HELB: variants seen among roughly 807,000 people sequenced by gnomAD.
HELB encodes the protein DNA 5'-3' helicase B.
A neutral mutation model predicts 101.7 loss-of-function variants in HELB; 96 were observed. The ratio of observed to expected loss-of-function variants is 0.94; its 90% CI spans 0.80 to 1.12. HELB has a LOEUF of 1.12. Ranked by LOEUF, HELB falls within the 50% of genes most tolerant of loss-of-function variation. The probability of loss-of-function intolerance (pLI) is 0.00; values close to 1 mark genes in which losing one functional copy is unlikely to be tolerated. For missense variants in HELB, 1,210 were observed against 1,291.9 expected (o/e 0.94, Z 0.97); for synonymous variants, 437 against 459.7 (o/e 0.95, Z 0.63).
intron 9 of HELB, 103 bp from the exon 10 acceptor site, chr12:66,323,880 A>G (rs2053702718): frequency 1.3e-6 from 1 of 748,982 alleles, no homozygotes; most frequent in Admixed American, 2.3e-5. Flanking sequence ...AAATGTGGAA[A>G]TTATTCTGAA....
At chr12:66,321,550 T>C (rs776420602) in intron 7 of HELB, 1 of 202,624 alleles carries the variant, frequency 4.9e-6, no homozygotes, top group African/African-American at 2.4e-5. Flanking sequence ...TATTGTCAAG[T>C]TCTAACTGAT....
At chr12:66,315,474 T>C in intron 6 of HELB, 91 bp downstream of exon 6, 1 of 900,646 alleles carries the variant, frequency 1.1e-6, no homozygotes, top group Non-Finnish European at 1.5e-6. Context: ...GTACAATACA[T>C]TAACTACACC....
At chr12:66,306,645 G>C (rs1183495654) in intron 3 of HELB, 131 bp downstream of exon 3, 1 of 480,726 alleles carries the variant, frequency 2.1e-6, no homozygotes, top group Non-Finnish European at 3.6e-6. Context: ...TTATTCAAAT[G>C]TTGCAACTGT....
rs141338855 is a variant in HELB, at chr12:66,331,320, G to T, written c.2837G>T (p.Arg946Leu). The T allele has an allele frequency of 1.2e-6, 2 of 1,614,070 alleles. No homozygotes were observed. Among genetic ancestry groups the T allele is most frequent in the Admixed American group, 1.7e-5 (1 of 60,004 alleles). Residue 946 changes from arginine (R) to leucine (L), a missense_variant, in exon 12 of 13, where the codon CGT becomes CTT. Around this residue, in one of 2 missense-constraint regions of HELB, gnomAD observed 740 missense variants for 728.8 expected, o/e 1.02. Transcript: ENST00000247815. The stretch of plus-strand genomic sequence containing the variant: ...AAAAACAGTTTTCCTAGAAAAACTC[G>T]TTTGAAACATTTCTTGCAAAGTAAG... ...IMKNSFPRKT[R>L]LKHFLQSKLS... is the part of the protein sequence containing the mutation.
Position 66,325,081 on chromosome 12 carries a change from T to C in HELB, c.2625T>C (p.Tyr875=). Residue 875 remains tyrosine (Y), a synonymous_variant, in exon 11 of 13, where the codon TAT becomes TAC. Coordinates refer to ENST00000247815, the MANE Select transcript of HELB (RefSeq NM_001370285.1). The part of the protein sequence containing the change: ...VTVDFKKLMK[Y]CRIKHAWART... ...TGGATTTTAAGAAACTAATGAAATA[T>C]TGTCGCATAAAACATGCATGGGCAA... 6.2e-7 allele frequency: 1 copy of C among 1,613,718 alleles called. No individual in the cohort carries two copies. The highest frequency in any genetic ancestry group is 8.5e-7 in the Non-Finnish European group (1 of 1,179,696).
At position 66,338,128 on chromosome 12, in the gene HELB, C is replaced by T. The variant is rs772422682; in HGVS notation, c.*26C>T. 7 of 1,257,898 alleles carry T rather than the reference C, an allele frequency of 5.6e-6. No individual in the cohort carries two copies. In the Middle Eastern group the frequency reaches 1.1e-3, roughly 198 times the overall value. The allele number at this position is 1,257,898 out of a possible 1,614,324, so 77.9% of individuals were successfully genotyped here. On this transcript the variant is annotated 3_prime_UTR_variant, in exon 13 of 13. Transcript: ENST00000247815. The stretch of plus-strand genomic sequence containing the variant: ...TTTTATTTCAAATTGTTCCGAGTAA[C>T]TATGTTTTTCTATTGGAGACAAAAT...
At chr12:66,337,048 A>C (rs1398350172) in intron 12 of HELB, among the ~76,000 whole-genome samples, 1 of 152,128 alleles carries the variant, frequency 6.6e-6, no homozygotes, top group Non-Finnish European at 1.5e-5. Context: ...AGCTGATGGG[A>C]CTTAATGATC....
chr12:66,332,918 C>T (rs1406114870), intron 12 of HELB, among the ~76,000 whole-genome samples: 1 of 152,054 alleles, frequency 6.6e-6, no homozygotes, highest in Non-Finnish European at 1.5e-5. Flanking sequence ...CTGCTTTTGT[C>T]AAGCTAGTGT....
In HELB at chr12:66,331,159, C is replaced by T. The variant is rs532711774; in HGVS notation, c.2676C>T (p.Ser892=). 4.1e-5 allele frequency: 66 copies of T among 1,600,300 alleles called. No individual in the cohort carries two copies. The highest frequency in any genetic ancestry group is 3.3e-4 in the Middle Eastern group (2 of 5,988). The stretch of plus-strand genomic sequence containing the variant: ...CACCATATTTTTCCTGCCAGGGGTC[C>T]GAGGAGCAAACAGTTGTCTATGTGG... The part of the protein sequence containing the change: ...WARTIHTFQG[S]EEQTVVYVVG... Residue 892 remains serine, a synonymous_variant, in exon 12 of 13, where the codon TCC becomes TCT. Coordinates refer to ENST00000247815, the MANE Select transcript of HELB (RefSeq NM_001370285.1).
intron 12 of HELB, among the ~76,000 whole-genome samples, chr12:66,334,314 T>C (rs1419143510): frequency 6.6e-6 from 1 of 151,614 alleles, no homozygotes; most frequent in Non-Finnish European, 1.5e-5. Context: ...AGTAAAAAAT[T>C]AGCTGAACTT....
chr12:66,334,502 C>T (rs1482614841), intron 12 of HELB, among the ~76,000 whole-genome samples: 1 of 147,010 alleles, frequency 6.8e-6, no homozygotes, highest in East Asian at 2.0e-4. Context: ...AGGCTAGGCA[C>T]AGTGGCTCAC....
At chr12:66,314,701 T>G (rs559522723) in intron 5 of HELB, among the ~76,000 whole-genome samples, 198 of 152,240 alleles carry the variant, frequency 1.3e-3, no homozygotes, top group African/African-American at 4.5e-3. Context: ...TTTAGGTATT[T>G]GAGGATGTCT....
At chr12:66,326,809 A>G (rs1042328412) in intron 11 of HELB, among the ~76,000 whole-genome samples, 6 of 150,126 alleles carry the variant, frequency 4.0e-5, no homozygotes, top group Non-Finnish European at 5.9e-5. Context: ...AGGTAGGTGG[A>G]TCACTTGCAG....
intron 12 of HELB, among the ~76,000 whole-genome samples, chr12:66,334,091 T>C (rs572963538): frequency 5.5e-4 from 84 of 152,094 alleles, no homozygotes; most frequent in African/African-American, 1.8e-3. Context: ...GACTGAGAGG[T>C]CGAGGCTGCA....
At chr12:66,327,052 A>ATATATATAT (rs1321370729) in intron 11 of HELB, among the ~76,000 whole-genome samples, 1 of 126,702 alleles carries the variant, frequency 7.9e-6, no homozygotes, top group African/African-American at 3.4e-5. Flanking sequence ...AAAAAAAAAA[A>ATATATATAT]AAAAAAAAAA....
chr12:66,309,679 A>G, intron 3 of HELB, 27 bp from the exon 4 acceptor site: 1 of 1,506,172 alleles, frequency 6.6e-7, no homozygotes. Context: ...GATGTTTATA[A>G]ACCAACCTGA....
rs755797419 is a variant in HELB, at chr12:66,325,078, A to G, written c.2622A>G (p.Lys874=). Residue 874 remains lysine (K), a synonymous_variant, in exon 11 of 13, where the codon AAA becomes AAG. Transcript: ENST00000247815. ...EVTVDFKKLM[K]YCRIKHAWAR... ...CTGTGGATTTTAAGAAACTAATGAA[A>G]TATTGTCGCATAAAACATGCATGGG... 4 of 1,613,764 alleles carry G rather than the reference A, an allele frequency of 2.5e-6. No homozygotes were observed. The highest frequency in any genetic ancestry group is 2.5e-6 in the Non-Finnish European group (3 of 1,179,712).
chr12:66,322,584 A>G, intron 8 of HELB, 140 bp from the exon 9 acceptor site: 1 of 487,652 alleles, frequency 2.1e-6, no homozygotes, highest in Non-Finnish European at 3.6e-6. Flanking sequence ...AAAAAAAAAG[A>G]TAAAAAGTAG....
chr12:66,337,220 G>GAAA (rs2053876535), intron 12 of HELB, among the ~76,000 whole-genome samples: 1 of 150,360 alleles, frequency 6.7e-6, no homozygotes, highest in African/African-American at 2.4e-5. Flanking sequence ...GGAGGGGGAA[G>GAAA]TTTCTTCTTT....
Sources: gnomAD v4.1 joint callset for allele counts (sites outside exome capture counted in the v4.1 genomes callset) on GRCh38, gnomAD v4.1.1 for gene constraint, gnomAD v4.1.1 regional missense constraint, MANE v1.5 for transcripts, NCBI Gene and HGNC (gene_info 2026-07-23, HGNC 2026-07-21) for gene names.